The following CTNNA3 variants were observed in gnomAD, a reference collection of about 807,000 sequenced individuals.
The protein encoded by CTNNA3 is catenin alpha 3.
A neutral mutation model predicts 95.7 loss-of-function variants in CTNNA3; 76 were observed. That is an observed-to-expected ratio of 0.79 (90% CI 0.66 to 0.96). The LOEUF is 0.96. Among genes scored for constraint, CTNNA3 ranks in the 40% least tolerant of loss-of-function variants. The pLI is 0.00. For synonymous variants in CTNNA3, 431 were observed against 374.4 expected (o/e 1.15, Z -1.74); for missense variants, 1,191 against 1,089.8 (o/e 1.09, Z -1.31).
At chr10:66,464,539 G>T (rs2131856451) in intron 11 of CTNNA3, among the ~76,000 whole-genome samples, 1 of 152,178 alleles carries the variant, frequency 6.6e-6, no homozygotes, top group East Asian at 1.9e-4. Flanking sequence ...GAGATGGGTG[G>T]ATCACTAGAG....
intron 1 of CTNNA3, among the ~76,000 whole-genome samples, chr10:67,747,027 C>T (rs894127499): frequency 6.6e-6 from 1 of 152,176 alleles, no homozygotes; most frequent in Admixed American, 6.5e-5. Context: ...AGCCAGATTG[C>T]CTCTTTAGGC....
At chr10:67,327,963 C>T (rs1321735958) in intron 5 of CTNNA3, among the ~76,000 whole-genome samples, 1 of 152,078 alleles carries the variant, frequency 6.6e-6, no homozygotes, top group Non-Finnish European at 1.5e-5. Context: ...ATGGGAGGAT[C>T]CACCATTCTC....
In CTNNA3 at chr10:67,651,126, AT is replaced by A. The variant is rs201358461; in HGVS notation, c.-5-3609del. On this transcript the variant is annotated intron_variant, in intron 1 of 17. Coordinates refer to ENST00000433211, the MANE Select transcript of CTNNA3 (RefSeq NM_013266.4). ...AAAATTCCCTAATATCAAATATTTA[AT>A]TTAAAAAAAAAAAGATTAACTTTTG... Among the ~76,000 whole-genome samples, 367 of 152,170 alleles carry A rather than the reference AT, an allele frequency of 2.4e-3. 2 individuals are homozygous for A. Among genetic ancestry groups the A allele is most frequent in the African/African-American group, 8.5e-3 (354 of 41,528 alleles).
At chr10:67,340,888 A>C (rs766240486) in intron 5 of CTNNA3, among the ~76,000 whole-genome samples, 3 of 152,216 alleles carry the variant, frequency 2.0e-5, no homozygotes, top group Non-Finnish European at 4.4e-5. Flanking sequence ...TGGAAACTGA[A>C]TAGTACATTT....
chr10:66,184,603 A>G (rs1240829131), intron 13 of CTNNA3, among the ~76,000 whole-genome samples: 1 of 152,180 alleles, frequency 6.6e-6, no homozygotes, highest in East Asian at 1.9e-4. Context: ...TCACGTTTCC[A>G]TAGATATGAA....
At chr10:66,745,831 C>T (rs1299305907) in intron 9 of CTNNA3, among the ~76,000 whole-genome samples, 1 of 151,146 alleles carries the variant, frequency 6.6e-6, no homozygotes, top group African/African-American at 2.4e-5. Context: ...GATCTCCTGA[C>T]CTCGTGATCC....
intron 10 of CTNNA3, among the ~76,000 whole-genome samples, chr10:66,547,347 C>CTTTTTTTTTTTTTT (rs1296263060): frequency 1.8e-5 from 2 of 109,282 alleles, no homozygotes; most frequent in Non-Finnish European, 1.7e-5. Context: ...TTCTTTCTTT[C>CTTTTTTTTTTTTTT]TTTTTTTTTT....
At chr10:66,212,139 G>A (rs1314236134) in intron 13 of CTNNA3, among the ~76,000 whole-genome samples, 1 of 151,694 alleles carries the variant, frequency 6.6e-6, no homozygotes, top group Non-Finnish European at 1.5e-5. Flanking sequence ...GTAGGCACCC[G>A]CCACCACGCC....
intron 7 of CTNNA3, among the ~76,000 whole-genome samples, chr10:66,875,126 G>A (rs2132450908): frequency 6.6e-6 from 1 of 152,262 alleles, no homozygotes; most frequent in East Asian, 1.9e-4. Flanking sequence ...AATAAGGATA[G>A]GAAAGAATGT....
At chr10:66,952,888 C>T (rs771496690) in intron 7 of CTNNA3, among the ~76,000 whole-genome samples, 8 of 151,904 alleles carry the variant, frequency 5.3e-5, no homozygotes, top group Non-Finnish European at 1.2e-4. Context: ...GTTAGCTAAC[C>T]TAAGAGTCAA....
At chr10:66,641,577 T>C (rs1210848166) in intron 9 of CTNNA3, among the ~76,000 whole-genome samples, 3 of 152,200 alleles carry the variant, frequency 2.0e-5, no homozygotes, top group South Asian at 2.1e-4. Context: ...TTTTGAAATA[T>C]AGTTTAACTT....
At chr10:67,349,262 T>C (rs1053129054) in intron 5 of CTNNA3, among the ~76,000 whole-genome samples, 14 of 152,164 alleles carry the variant, frequency 9.2e-5, no homozygotes, top group African/African-American at 3.1e-4. Flanking sequence ...CCCAGGTTCA[T>C]TGCAGCACTA....
At chr10:66,197,336 C>CTCTATGTA in intron 13 of CTNNA3, among the ~76,000 whole-genome samples, 1 of 148,052 alleles carries the variant, frequency 6.8e-6, no homozygotes, top group Admixed American at 6.8e-5. Context: ...CAATCCAAAT[C>CTCTATGTA]TCTATCTATC....
At chr10:66,177,073 A>G (rs755241971) in intron 13 of CTNNA3, among the ~76,000 whole-genome samples, 44 of 152,224 alleles carry the variant, frequency 2.9e-4, no homozygotes, top group Non-Finnish European at 2.5e-4. Flanking sequence ...AACACTCACA[A>G]TGCAGAATAA....
chr10:66,936,372 A>T (rs1269767806), intron 7 of CTNNA3, among the ~76,000 whole-genome samples: 1 of 152,066 alleles, frequency 6.6e-6, no homozygotes, highest in African/African-American at 2.4e-5. Context: ...CTTGAAAGCT[A>T]ATTTACCCTC....
At chr10:66,983,357 AGG>A (rs1377877435) in intron 7 of CTNNA3, among the ~76,000 whole-genome samples, 1 of 152,142 alleles carries the variant, frequency 6.6e-6, no homozygotes, top group Non-Finnish European at 1.5e-5. Context: ...TATCTGAAGC[AGG>A]GGCAGCCCCA....
intron 10 of CTNNA3, among the ~76,000 whole-genome samples, chr10:66,583,990 G>T (rs1843279630): frequency 6.6e-6 from 1 of 151,754 alleles, no homozygotes; most frequent in South Asian, 2.1e-4. Flanking sequence ...GCATAGTTTT[G>T]AGGGTTCCTT....
At chr10:66,058,908 T>C (rs760412020) in intron 15 of CTNNA3, among the ~76,000 whole-genome samples, 3 of 152,094 alleles carry the variant, frequency 2.0e-5, no homozygotes, top group Non-Finnish European at 4.4e-5. Flanking sequence ...AATCAAAACT[T>C]TTTAGAAAGT....
intron 5 of CTNNA3, among the ~76,000 whole-genome samples, chr10:67,406,356 C>T (rs1193270732): frequency 6.6e-6 from 1 of 151,944 alleles, no homozygotes; most frequent in Non-Finnish European, 1.5e-5. Flanking sequence ...AAAATTAAGG[C>T]AGAAATCTTG....
Sources: allele counts gnomAD v4.1 joint callset (sites outside exome capture counted in the v4.1 genomes callset), GRCh38; gene constraint gnomAD v4.1.1; transcripts MANE v1.5; gene names NCBI Gene and HGNC (gene_info 2026-07-23, HGNC 2026-07-21).